The following AP3M2 variants were observed in gnomAD, a reference collection of about 807,000 sequenced individuals.
AP3M2 encodes adaptor related protein complex 3 subunit mu 2, also known as AP-3 complex subunit mu-2.
Under a neutral mutation model 41.6 loss-of-function variants are expected in AP3M2, and 28 were observed. The observed-to-expected ratio is 0.67, with a 90% CI of 0.50 to 0.92. AP3M2 has a LOEUF of 0.92. Among genes scored for constraint, AP3M2 ranks in the 40% least tolerant of loss-of-function variants. AP3M2 has a pLI of 0.00. For missense variants in AP3M2, 427 were observed against 521.4 expected, an observed-to-expected ratio of 0.82 and a Z score of 1.76; for synonymous variants, 193 against 186.4, an observed-to-expected ratio of 1.04 and a Z score of -0.29.
intron 3 of AP3M2, among the ~76,000 whole-genome samples, chr8:42,159,052 C>G (rs1804437648): frequency 6.6e-6 from 1 of 152,206 alleles, no homozygotes; most frequent in African/African-American, 2.4e-5. Flanking sequence ...ACCTTGGCCT[C>G]CCAAAGTTCT....
Position 42,158,110 on chromosome 8 carries a change from C to T in AP3M2, c.443C>T (p.Thr148Ile), listed in dbSNP as rs1804406690. ...TILRTVVNTI[T>I]GSTNVGDQLP... Reference sequence around the variant, plus strand: ...CTTCGAACGGTTGTCAACACCATCACAGGTACGGCAGAGGGGGAAACTGAT... The same window carrying T: ...CTTCGAACGGTTGTCAACACCATCATAGGTACGGCAGAGGGGGAAACTGAT... The change falls in exon 3 of 9, where the codon ACA (threonine) becomes ATA (isoleucine). Residue 148 changes from threonine (T) to isoleucine (I), a missense_variant and splice_region_variant. By Grantham distance (89) the Thr-to-Ile change is moderately conservative (BLOSUM62 -1). Transcript: ENST00000396926. 2 of 1,611,924 alleles carry T rather than the reference C, an allele frequency of 1.2e-6. No homozygotes were observed. The highest frequency in any genetic ancestry group is 1.7e-6 in the Non-Finnish European group (2 of 1,178,224).
chr8:42,163,223 C>T lies in AP3M2; in HGVS notation c.583+805C>T, dbSNP rs148166937. ...ATCACTTAAGCCCAGTAGTTGGAGA[C>T]TGCGGTGAGCTATGATTATGGCTGT... On this transcript the variant is annotated intron_variant, in intron 4 of 8. Transcript: ENST00000396926. 2.0e-5 allele frequency among the ~76,000 whole-genome samples: 3 copies of T among 152,036 alleles called. No homozygotes were observed. In the East Asian group the frequency reaches 5.8e-4, roughly 30 times the overall value.
At chr8:42,161,482 G>A (rs1345026895) in intron 3 of AP3M2, among the ~76,000 whole-genome samples, 1 of 151,994 alleles carries the variant, frequency 6.6e-6, no homozygotes, top group African/African-American at 2.4e-5. Context: ...GGTGGCACGC[G>A]CCTGTAGTCC....
rs1804308871 is a variant in AP3M2, at chr8:42,154,758, T to G, written c.71T>G (p.Val24Gly). Residue 24 changes from valine (V) to glycine (G), a missense_variant, in exon 2 of 9, where the codon GTC (valine) becomes GGC (glycine). Around this residue, in one of 3 missense-constraint regions of AP3M2, gnomAD observed 104 missense variants for 93.8 expected, o/e 1.11. Coordinates refer to ENST00000396926, the MANE Select transcript of AP3M2 (RefSeq NM_006803.4). ...CTGGAGAAACATTGGAAAAGTGTGG[T>G]CAGCCGTTCTGTTTGTGATTACTTT... ...IFLEKHWKSVVSRSVCDYFFE... is the reference protein window; with the variant it reads ...IFLEKHWKSVGSRSVCDYFFE... 6.2e-7 allele frequency: 1 copy of G among 1,614,084 alleles called. No homozygotes were observed.
Position 42,168,434 on chromosome 8 carries a change from A to G in AP3M2, c.1157-527A>G, listed in dbSNP as rs559928231. Among the ~76,000 whole-genome samples the G allele has an allele frequency of 2.4e-3, 363 of 152,300 alleles. 1 individual carries two copies. The highest frequency in any genetic ancestry group is 8.2e-3 in the African/African-American group (341 of 41,566). ...TTATATGAAGTTTCTGTTTTTCTGT[A>G]CAAACGGGCCTTATACAATTTAAGT... On this transcript the variant is annotated intron_variant, in intron 8 of 8. Coordinates refer to ENST00000396926, the MANE Select transcript of AP3M2 (RefSeq NM_006803.4).
intron 7 of AP3M2, 53 bp downstream of exon 7, chr8:42,167,424 G>A: frequency 6.3e-7 from 1 of 1,594,308 alleles, no homozygotes; most frequent in Non-Finnish European, 8.6e-7. Flanking sequence ...AAACCAGTCT[G>A]CAGGTTCTCT....
At chr8:42,167,053 A>G (rs1459903924) in intron 6 of AP3M2, 111 bp from the exon 7 acceptor site, 1 of 852,506 alleles carries the variant, frequency 1.2e-6, no homozygotes, top group East Asian at 2.5e-5. Context: ...AAGTAAGGAC[A>G]TAGTTAAGGG....
At chr8:42,168,026 C>G (rs150086111) in intron 8 of AP3M2, among the ~76,000 whole-genome samples, 14 of 152,262 alleles carry the variant, frequency 9.2e-5, no homozygotes, top group African/African-American at 3.4e-4. Flanking sequence ...ATAAAAGTGC[C>G]TAAGACACAC....
intron 2 of AP3M2, among the ~76,000 whole-genome samples, chr8:42,157,006 G>A (rs151053053): frequency 6.6e-6 from 1 of 152,248 alleles, no homozygotes; most frequent in African/African-American, 2.4e-5. Flanking sequence ...TGAATAGAAT[G>A]GACTTTCTCA....
chr8:42,162,943 C>CAAAAAAAAAAAAAAAA (rs67923954), intron 4 of AP3M2, among the ~76,000 whole-genome samples: 1 of 54,224 alleles, frequency 1.8e-5, no homozygotes, highest in African/African-American at 9.1e-5. Context: ...GACCCTGTCT[C>CAAAAAAAAAAAAAAAA]AAAAAAAAAA....
chr8:42,167,497 C>T, intron 7 of AP3M2, 126 bp downstream of exon 7: 1 of 1,374,102 alleles, frequency 7.3e-7, no homozygotes. Context: ...TTTCTCCTGC[C>T]AGGTAACTTA....
At chr8:42,164,996 G>A (rs1804601722) in intron 4 of AP3M2, 75 bp from the exon 5 acceptor site, 1 of 1,271,578 alleles carries the variant, frequency 7.9e-7, no homozygotes. Context: ...GAGAAGGAGG[G>A]AGGAGATAAG....
chr8:42,167,348 C>G lies in AP3M2; in HGVS notation c.988C>G (p.His330Asp). 1 of 1,614,198 alleles carries G rather than the reference C, an allele frequency of 6.2e-7. No individual in the cohort carries two copies. Among genetic ancestry groups the G allele is most frequent in the South Asian group, 1.1e-5 (1 of 91,084 alleles). ...GAGCCTTACTCCATCACAGGGGACACACACATTCGACCCAGTCACAAAGGT... is the reference window on the plus strand; with the variant it reads ...GAGCCTTACTCCATCACAGGGGACAGACACATTCGACCCAGTCACAAAGGT... ...NMSLTPSQGT[H>D]TFDPVTKMLS... Residue 330 changes from histidine to aspartate, a missense_variant, in exon 7 of 9, where the codon CAC becomes GAC. Around this residue, in one of 3 missense-constraint regions of AP3M2, gnomAD observed 237 missense variants for 284.9 expected, o/e 0.83. Coordinates refer to ENST00000396926, the MANE Select transcript of AP3M2 (RefSeq NM_006803.4).
At chr8:42,168,789 T>C (rs1010444654) in intron 8 of AP3M2, among the ~76,000 whole-genome samples, 172 bp from the exon 9 acceptor site, 1 of 152,208 alleles carries the variant, frequency 6.6e-6, no homozygotes, top group Non-Finnish European at 1.5e-5. Flanking sequence ...GAGCCTTTTT[T>C]TGCTGTCAGT....
At chr8:42,153,707 CCCGGGCTG>C in intron 1 of AP3M2, 1 of 151,918 alleles carries the variant, frequency 6.6e-6, no homozygotes, top group East Asian at 1.9e-4. Flanking sequence ...CCCTCTGTTG[CCCGGGCTG>C]ATCTCGAACT....
Position 42,162,436 on chromosome 8 carries a change from G to C in AP3M2, c.583+18G>C, listed in dbSNP as rs1442138084. The C allele has an allele frequency of 6.3e-7, 1 of 1,585,588 alleles. No homozygotes were observed. Among genetic ancestry groups the C allele is most frequent in the Non-Finnish European group, 8.6e-7 (1 of 1,166,078 alleles). ...TAAATCAGGTAGGTGCTTTTAATAT[G>C]TTCTCAGAAATATGAAAATAGAAAG... is the stretch of plus-strand genomic sequence containing the variant. On this transcript the variant is annotated intron_variant, in intron 4 of 8. Transcript: ENST00000396926.
chr8:42,169,115 C>G lies in AP3M2; in HGVS notation c.*54C>G, dbSNP rs1329246898. On this transcript the variant is annotated 3_prime_UTR_variant, in exon 9 of 9. Transcript: ENST00000396926. ...GCACATTTTTTCATTTCTTACTTGT[C>G]TAAAAGTAAAAAAAAATATCAGCCT... is the stretch of plus-strand genomic sequence containing the variant. 4 of 1,454,136 alleles carry G rather than the reference C, an allele frequency of 2.8e-6. No homozygotes were observed. In the African/African-American group the frequency reaches 5.7e-5, roughly 21 times the overall value. 90.1% of individuals were successfully genotyped at this position (1,454,136 alleles called of 1,614,324 possible).
At chr8:42,165,609 G>T in intron 6 of AP3M2, 49 bp downstream of exon 6, 1 of 1,600,614 alleles carries the variant, frequency 6.2e-7, no homozygotes, top group African/African-American at 1.3e-5. Flanking sequence ...GTACATGTAT[G>T]TGGAAACCGT....
At chr8:42,155,378 T>C (rs1804328477) in intron 2 of AP3M2, among the ~76,000 whole-genome samples, 1 of 152,208 alleles carries the variant, frequency 6.6e-6, no homozygotes, top group African/African-American at 2.4e-5. Context: ...AATGCTTAAT[T>C]TAACTCTCCC....
Sources: gnomAD v4.1 joint callset for allele counts (sites outside exome capture counted in the v4.1 genomes callset) on GRCh38, gnomAD v4.1.1 for gene constraint, gnomAD v4.1.1 regional missense constraint, MANE v1.5 for transcripts, NCBI Gene and HGNC (gene_info 2026-07-23, HGNC 2026-07-21) for gene names.